Variants in IL6ST observed in about 807,000 individuals in gnomAD.
The protein encoded by IL6ST is interleukin-6 receptor subunit beta.
IL6ST carries 24 observed loss-of-function variants against 91.3 expected under a neutral mutation model. The ratio of observed to expected loss-of-function variants is 0.26; its 90% CI spans 0.19 to 0.37. The LOEUF is 0.37. Among genes scored for constraint, IL6ST ranks in the 10% least tolerant of loss-of-function variants. The pLI, the probability that IL6ST is intolerant of heterozygous loss-of-function variation, is 1.00. For missense variants in IL6ST, 914 were observed against 1,078.5 expected (o/e 0.85, Z 2.14); for synonymous variants, 351 against 373.6 (o/e 0.94, Z 0.70).
chr5:55,977,352 C>T (rs1753368078), intron 2 of IL6ST, among the ~76,000 whole-genome samples: 1 of 151,926 alleles, frequency 6.6e-6, no homozygotes, highest in Non-Finnish European at 1.5e-5. Context: ...CTCAGCCTCC[C>T]AAAGCACTGG....
chr5:55,943,626 T>A (rs1173513244), intron 15 of IL6ST, among the ~76,000 whole-genome samples: 1 of 152,104 alleles, frequency 6.6e-6, no homozygotes, highest in African/African-American at 2.4e-5. Flanking sequence ...ACCATATTCA[T>A]GGAAGGAAGG....
rs368730281 is a variant in IL6ST at position 55,941,718 on chromosome 5, A to C, written c.2121T>G (p.Asp707Glu). ...TTTTGAACAGGTCCAATGATTTCAG[A>C]TCTTCTGGAAAAGGCTTTTTGTCAT... Reference protein sequence around the residue: ...EANDKKPFPEDLKSLDLFKKE... With the variant: ...EANDKKPFPEELKSLDLFKKE... Residue 707 changes from aspartate (D) to glutamate (E), a missense_variant, in exon 17 of 17, where the codon GAT becomes GAG. Asp to Glu is a conservative substitution (Grantham distance 45). Transcript: ENST00000381298. 4.6e-5 allele frequency: 74 copies of C among 1,614,094 alleles called. 1 individual carries two copies. Among genetic ancestry groups the C allele is most frequent in the Middle Eastern group, 3.3e-4 (2 of 5,990 alleles).
At position 55,947,930 on chromosome 5, in the gene IL6ST, A is replaced by C. The variant is rs1479461194; in HGVS notation, c.1841-341T>G. 3.9e-5 allele frequency among the ~76,000 whole-genome samples: 6 copies of C among 152,244 alleles called. No homozygotes were observed. The East Asian group carries it at 1.2e-3, about 29-fold the overall frequency. ...AACATTTATGATCTGCATTTGGTAG[A>C]ATCTTAGTAAAAGTTTATCTCTGAG... On this transcript the variant is annotated intron_variant, in intron 14 of 16. Coordinates refer to ENST00000381298, the MANE Select transcript of IL6ST (RefSeq NM_002184.4).
intron 8 of IL6ST, among the ~76,000 whole-genome samples, chr5:55,958,432 T>A (rs1752112845): frequency 6.6e-6 from 1 of 151,504 alleles, no homozygotes; most frequent in Non-Finnish European, 1.5e-5. Flanking sequence ...TTAAGCTTTT[T>A]GTAAAAAGTT....
rs1226651708 is a variant in IL6ST at position 55,947,482 on chromosome 5, A to C, written c.1937+11T>G. The C allele has an allele frequency of 6.9e-7, 1 of 1,452,704 alleles. No individual in the cohort carries two copies. The highest frequency in any genetic ancestry group is 9.5e-7 in the Non-Finnish European group (1 of 1,055,564). The allele number at this position is 1,452,704 out of a possible 1,614,324, so 90.0% of individuals were successfully genotyped here. A position where few individuals can be genotyped will look rare whatever the true frequency, so the allele number is the denominator to read the frequency against. ...GGGGGAAAATGCAAAAATATGAATA[A>C]AGTTACTTACAGGTCTCGCTTATTA... is the stretch of plus-strand genomic sequence containing the variant. On this transcript the variant is annotated intron_variant, in intron 15 of 16. Transcript: ENST00000381298.
intron 1 of IL6ST, among the ~76,000 whole-genome samples, chr5:55,986,983 A>G (rs146798248): frequency 9.2e-5 from 14 of 152,310 alleles, no homozygotes; most frequent in African/African-American, 3.1e-4. Flanking sequence ...TGGGCAATAT[A>G]GTAAGACTCT....
chr5:55,963,529 AG>A, intron 6 of IL6ST, 23 bp from the exon 7 acceptor site: 9 of 1,568,646 alleles, frequency 5.7e-6, no homozygotes, highest in Non-Finnish European at 7.8e-6. Flanking sequence ...ATAAATCCTA[AG>A]GTTTATTATG....
intron 5 of IL6ST, among the ~76,000 whole-genome samples, 181 bp downstream of exon 5, chr5:55,968,095 G>A (rs1432627285): frequency 6.6e-6 from 1 of 151,960 alleles, no homozygotes; most frequent in African/African-American, 2.4e-5. Flanking sequence ...CCGCGCCTGG[G>A]GGATTACAGG....
intron 1 of IL6ST, among the ~76,000 whole-genome samples, chr5:55,991,434 CATA>C (rs1271196017): frequency 1.3e-5 from 2 of 152,106 alleles, no homozygotes; most frequent in African/African-American, 4.8e-5. Context: ...TCTTCTCTCC[CATA>C]ATATCTTTCC....
chr5:55,957,212 C>T lies in IL6ST; in HGVS notation c.1053G>A (p.Trp351Ter). 1 of 1,464,430 alleles carries T rather than the reference C, an allele frequency of 6.8e-7. No homozygotes were observed. Among genetic ancestry groups the T allele is most frequent in the Non-Finnish European group, 9.3e-7 (1 of 1,077,970 alleles). The allele number at this position is 1,464,430 out of a possible 1,614,324, so 90.7% of individuals were successfully genotyped here. Reference protein sequence around the residue: ...TQGYRTVQLVWKTLPPFEANG... With the variant: ...TQGYRTVQLV ...AAATATAAATGTGATTTTTTACCTT[C>T]CACACGAGTTGTACAGTTCTGTAGC... is the stretch of plus-strand genomic sequence containing the variant. Residue 351 changes from tryptophan to a stop codon, truncating the protein, a stop_gained, in exon 9 of 17, where the codon TGG becomes TGA. Coordinates refer to ENST00000381298, the MANE Select transcript of IL6ST (RefSeq NM_002184.4). LOFTEE classifies it high-confidence loss of function.
rs895383863 is a variant in IL6ST, at chr5:55,937,734, ATTTT to A, written c.*3344_*3347del. On this transcript the variant is annotated 3_prime_UTR_variant, in exon 17 of 17. Transcript: ENST00000381298. ...CTGTAATAGAAAGCTATCCCAGTAAATTTTTTTTGAACAATTGAACTTTTGTCTT... is the reference window on the plus strand; with the variant it reads ...CTGTAATAGAAAGCTATCCCAGTAAATTTTGAACAATTGAACTTTTGTCTT... The A allele has an allele frequency of 5.2e-6, 1 of 194,078 alleles. No individual in the cohort carries two copies. The highest frequency in any genetic ancestry group is 1.1e-5 in the Non-Finnish European group (1 of 93,186). 12.0% of individuals were successfully genotyped at this position (194,078 alleles called of 1,614,324 possible). A position where few individuals can be genotyped will look rare whatever the true frequency, so the allele number is the denominator to read the frequency against.
At chr5:55,993,676 A>T (rs1246896292) in intron 1 of IL6ST, among the ~76,000 whole-genome samples, 1 of 152,264 alleles carries the variant, frequency 6.6e-6, no homozygotes. Flanking sequence ...ATTAAAAACA[A>T]ACGTTCAAGA....
At chr5:55,984,947 C>T (rs1408500873) in intron 1 of IL6ST, among the ~76,000 whole-genome samples, 2 of 152,138 alleles carry the variant, frequency 1.3e-5, no homozygotes, top group Non-Finnish European at 2.9e-5. Context: ...AATGGCTAGG[C>T]CCTACGGCAG....
intron 3 of IL6ST, among the ~76,000 whole-genome samples, chr5:55,974,956 TACACACACACACAC>T (rs3039924): frequency 2.6e-5 from 3 of 114,518 alleles, no homozygotes; most frequent in Admixed American, 1.7e-4. Context: ...CACACACACA[TACACACACACACAC>T]ACACACACAC....
At chr5:55,951,336 A>T in intron 14 of IL6ST, 128 bp downstream of exon 14, 1 of 732,130 alleles carries the variant, frequency 1.4e-6, no homozygotes. Context: ...CACCAACCAA[A>T]GCCAGATAAT....
At chr5:55,972,910 CAGG>C (rs1436743999) in intron 3 of IL6ST, among the ~76,000 whole-genome samples, 1 of 151,354 alleles carries the variant, frequency 6.6e-6, no homozygotes, top group African/African-American at 2.4e-5. Context: ...GAGGCTGAGG[CAGG>C]AGAATTGCTT....
intron 15 of IL6ST, among the ~76,000 whole-genome samples, chr5:55,946,528 AAGGT>A (rs1383618324): frequency 6.6e-6 from 1 of 152,168 alleles, no homozygotes; most frequent in African/African-American, 2.4e-5. Flanking sequence ...AAAAAGGAAA[AAGGT>A]AGGCCAGGTG....
intron 4 of IL6ST, 101 bp from the exon 5 acceptor site, chr5:55,968,497 A>G: frequency 8.8e-7 from 1 of 1,135,426 alleles, no homozygotes; most frequent in Non-Finnish European, 1.3e-6. Flanking sequence ...TTAGATGAAA[A>G]AAATCAAACC....
intron 3 of IL6ST, among the ~76,000 whole-genome samples, chr5:55,975,280 T>C (rs1285402673): frequency 6.6e-6 from 1 of 152,114 alleles, no homozygotes; most frequent in East Asian, 1.9e-4. Context: ...GAATGAGTTA[T>C]TGTGAGCTCT....
Sources: gnomAD v4.1 joint callset for allele counts (sites outside exome capture counted in the v4.1 genomes callset) on GRCh38, gnomAD v4.1.1 for gene constraint, MANE v1.5 for transcripts, NCBI Gene and HGNC (gene_info 2026-07-23, HGNC 2026-07-21) for gene names.